Variants in KRT76 observed in about 807,000 individuals in gnomAD.
KRT76 encodes the protein keratin 76, also known as keratin, type II cytoskeletal 2 oral.
A neutral mutation model predicts 44.9 loss-of-function variants in KRT76; 47 were observed. The ratio of observed to expected loss-of-function variants is 1.05; its 90% CI spans 0.83 to 1.33. The LOEUF (loss-of-function observed/expected upper bound fraction) is 1.33. Among genes scored for constraint, KRT76 ranks in the 40% most tolerant of loss-of-function variants. KRT76 has a pLI of 0.00. For synonymous variants in KRT76, 331 were observed against 294.1 expected (o/e 1.13, Z -1.28); for missense variants, 860 against 775.8 (o/e 1.11, Z -1.29).
rs1391300280 is a variant in KRT76, at chr12:52,772,103, G to A, written c.1128C>T (p.Tyr376=). The A allele has an allele frequency of 2.5e-6, 4 of 1,610,530 alleles. No individual in the cohort carries two copies. The highest frequency in any genetic ancestry group is 1.7e-6 in the Non-Finnish European group (2 of 1,178,058). ...QRSKSEAEAL[Y]QTKLGELQTT... is the part of the protein sequence containing the mutation. Reference sequence around the variant, plus strand: ...CAGGGAGGGTTCCCACCTTGGTCTGGTACAGGGCCTCAGCTTCAGACTTGC... The same window carrying A: ...CAGGGAGGGTTCCCACCTTGGTCTGATACAGGGCCTCAGCTTCAGACTTGC... Residue 376 remains tyrosine (Y), a synonymous_variant, in exon 5 of 9, where the codon TAC becomes TAT. Transcript: ENST00000332411.
intron 2 of KRT76, 53 bp from the exon 3 acceptor site, chr12:52,773,695 G>T: frequency 6.6e-7 from 1 of 1,506,866 alleles, no homozygotes; most frequent in Non-Finnish European, 9.2e-7. Flanking sequence ...AAGTAAAAAA[G>T]AGAGGTGAGG....
intron 7 of KRT76, among the ~76,000 whole-genome samples, chr12:52,770,386 C>T (rs1939161220): frequency 6.6e-6 from 1 of 152,216 alleles, no homozygotes; most frequent in Non-Finnish European, 1.5e-5. Context: ...ATTCTTGACA[C>T]TCCTTTAGCA....
At chr12:52,770,551 G>A (rs1939163948) in intron 7 of KRT76, among the ~76,000 whole-genome samples, 1 of 152,130 alleles carries the variant, frequency 6.6e-6, no homozygotes, top group Non-Finnish European at 1.5e-5. Flanking sequence ...GTAGCCAGTA[G>A]CCACATGATG....
chr12:52,769,408 T>G, intron 8 of KRT76, 141 bp downstream of exon 8: 1 of 740,434 alleles, frequency 1.4e-6, no homozygotes, highest in South Asian at 1.6e-5. Flanking sequence ...CATGTGGCCA[T>G]GGCCTGAGAT....
intron 6 of KRT76, 38 bp from the exon 7 acceptor site, chr12:52,771,257 C>G (rs1206086679): frequency 6.3e-7 from 1 of 1,589,694 alleles, no homozygotes; most frequent in African/African-American, 1.3e-5. Flanking sequence ...GACCCGGAAA[C>G]AAACACTTGA....
chr12:52,775,440 G>C lies in KRT76; in HGVS notation c.763C>G (p.Leu255Val), dbSNP rs981023459. 5.0e-6 allele frequency: 8 copies of C among 1,614,052 alleles called. No homozygotes were observed. The highest frequency in any genetic ancestry group is 5.9e-6 in the Non-Finnish European group (7 of 1,180,038). Residue 255 changes from leucine (L) to valine (V), a missense_variant, in exon 2 of 9, where the codon CTG (leucine) becomes GTG (valine). Leu to Val is a conservative substitution (Grantham distance 32). Coordinates refer to ENST00000332411, the MANE Select transcript of KRT76 (RefSeq NM_015848.4). ...LDSLLGERGN[L>V]EGELKSMQDL... Reference sequence around the variant, plus strand: ...TGCATGCTTTTCAGCTCTCCCTCCAGGTTCCCCCTCTCCCCTAGAAGTGAA... The same window carrying C: ...TGCATGCTTTTCAGCTCTCCCTCCACGTTCCCCCTCTCCCCTAGAAGTGAA...
chr12:52,775,433 C>T lies in KRT76; in HGVS notation c.770G>A (p.Gly257Glu). Residue 257 changes from glycine (G) to glutamate (E), a missense_variant, in exon 2 of 9, where the codon GGA becomes GAA. Gly to Glu is a moderately conservative substitution (Grantham distance 98, BLOSUM62 -2). Transcript: ENST00000332411. ...SLLGERGNLE[G>E]ELKSMQDLVE... ...CAGGTCCTGCATGCTTTTCAGCTCT[C>T]CCTCCAGGTTCCCCCTCTCCCCTAG... The T allele has an allele frequency of 2.5e-6, 4 of 1,614,208 alleles. No homozygotes were observed. Among genetic ancestry groups the T allele is most frequent in the Non-Finnish European group, 3.4e-6 (4 of 1,180,034 alleles).
Position 52,776,971 on chromosome 12 carries a change from A to G in KRT76, c.321T>C (p.Gly107=). The change falls in exon 1 of 9, where the codon GGT becomes GGC. Residue 107 remains glycine (G), a synonymous_variant. Coordinates refer to ENST00000332411, the MANE Select transcript of KRT76 (RefSeq NM_015848.4). ...AACCACTACCTACTCCTCTGCCACC[A>G]CCAAAGCCACCACCATAGCTGCCCC... The part of the protein sequence containing the change: ...GFGGSYGGGF[G]GGRGVGSGFG... 6.2e-7 allele frequency: 1 copy of G among 1,613,726 alleles called. No homozygotes were observed. The highest frequency in any genetic ancestry group is 1.3e-5 in the African/African-American group (1 of 74,946).
Position 52,768,653 on chromosome 12 carries a change from G to T in KRT76, c.*60C>A. 6.5e-7 allele frequency: 1 copy of T among 1,530,534 alleles called. No homozygotes were observed. The highest frequency in any genetic ancestry group is 8.9e-7 in the Non-Finnish European group (1 of 1,129,424). The allele number at this position is 1,530,534 out of a possible 1,614,324, so 94.8% of individuals were successfully genotyped here. A position where few individuals can be genotyped will look rare whatever the true frequency, so the allele number is the denominator to read the frequency against. On this transcript the variant is annotated 3_prime_UTR_variant, in exon 9 of 9. Coordinates refer to ENST00000332411, the MANE Select transcript of KRT76 (RefSeq NM_015848.4). Reference sequence around the variant, plus strand: ...CATCTATTGATGCCAAGCAGAGAGTGGGAAACACTATTGCAGGCTGAGTGG... The same window carrying T: ...CATCTATTGATGCCAAGCAGAGAGTTGGAAACACTATTGCAGGCTGAGTGG...
At chr12:52,769,503 G>A (rs536958262) in intron 8 of KRT76, 46 bp downstream of exon 8, 4 of 1,549,596 alleles carry the variant, frequency 2.6e-6, no homozygotes, top group Non-Finnish European at 3.6e-6. Context: ...GTTTCTAGCT[G>A]CCCTTTTACA....
intron 2 of KRT76, 80 bp from the exon 3 acceptor site, chr12:52,773,722 T>C: frequency 1.6e-6 from 2 of 1,213,922 alleles, no homozygotes; most frequent in Non-Finnish European, 2.4e-6. Flanking sequence ...GGCACTCTCC[T>C]CACCTGCGCA....
chr12:52,770,765 A>G (rs1170920393), intron 7 of KRT76, among the ~76,000 whole-genome samples: 2 of 152,194 alleles, frequency 1.3e-5, no homozygotes, highest in African/African-American at 4.8e-5. Flanking sequence ...TACATTGCAC[A>G]TAGTGAAGAT....
Position 52,771,056 on chromosome 12 carries a change from A to T in KRT76, c.1427T>A (p.Leu476Gln), listed in dbSNP as rs1485692523. The T allele has an allele frequency of 1.2e-6, 2 of 1,614,092 alleles. No individual in the cohort carries two copies. The highest frequency in any genetic ancestry group is 1.7e-6 in the Non-Finnish European group (2 of 1,180,010). ...RDYQELMNVK[L>Q]ALDVEIATYR... is the part of the protein sequence containing the mutation. ...GGTGGCAATCTCCACATCCAGGGCCAGCTTGACGTTCATCAGCTCCTGGTA... is the reference window on the plus strand; with the variant it reads ...GGTGGCAATCTCCACATCCAGGGCCTGCTTGACGTTCATCAGCTCCTGGTA... Residue 476 changes from leucine (L) to glutamine (Q), a missense_variant, in exon 7 of 9, where the codon CTG becomes CAG. Transcript: ENST00000332411.
At position 52,772,792 on chromosome 12, in the gene KRT76, G is replaced by A; in HGVS notation, c.963C>T (p.Leu321=). The A allele has an allele frequency of 6.2e-7, 1 of 1,611,194 alleles. No individual in the cohort carries two copies. Among genetic ancestry groups the A allele is most frequent in the Non-Finnish European group, 8.5e-7 (1 of 1,177,330 alleles). ...CAAACCAAGGAATCACCATCTCATA[G>A]AGGGTCCTCAGGAAGCTGACTTCAT... is the stretch of plus-strand genomic sequence containing the variant. ...LTDEVSFLRT[L]YEMELSQMQS... Residue 321 remains leucine, a synonymous_variant, in exon 4 of 9, where the codon CTC becomes CTT. Transcript: ENST00000332411.
intron 2 of KRT76, among the ~76,000 whole-genome samples, chr12:52,774,959 C>A (rs10876342): frequency 2.0e-5 from 3 of 152,092 alleles, no homozygotes; most frequent in Non-Finnish European, 4.4e-5. Context: ...AGCCCTGGAC[C>A]TCTGCCTAGA....
chr12:52,776,540 G>C, intron 1 of KRT76, 152 bp downstream of exon 1: 1 of 1,198,542 alleles, frequency 8.3e-7, no homozygotes, highest in East Asian at 2.4e-5. Context: ...AAAAGTGAAA[G>C]GGGCATGATC....
Position 52,768,907 on chromosome 12 carries a change from T to C in KRT76, c.1723A>G (p.Ser575Gly), listed in dbSNP as rs746257997. The change falls in exon 9 of 9, where the codon AGC (serine) becomes GGC (glycine). Residue 575 changes from serine (S) to glycine (G), a missense_variant. Coordinates refer to ENST00000332411, the MANE Select transcript of KRT76 (RefSeq NM_015848.4). ...GSTGGRGSSG[S>G]YQSSSSGSRL... is the part of the protein sequence containing the mutation. ...CTCCCACTACTGCTGCTCTGGTAGC[T>C]CCCGCTGCTACCCCTGCCCCCAGTG... 1.2e-6 allele frequency: 2 copies of C among 1,601,938 alleles called. No individual in the cohort carries two copies. The highest frequency in any genetic ancestry group is 2.2e-5 in the East Asian group (1 of 44,676).
chr12:52,771,302 T>G, intron 6 of KRT76, 83 bp from the exon 7 acceptor site: 2 of 1,301,160 alleles, frequency 1.5e-6, no homozygotes, highest in Non-Finnish European at 2.2e-6. Context: ...CCCCACATCC[T>G]GCATCCCTTC....
Position 52,775,478 on chromosome 12 carries a change from C to T in KRT76, c.725G>A (p.Cys242Tyr), listed in dbSNP as rs774140731. The change falls in exon 2 of 9, where the codon TGC becomes TAC. Residue 242 changes from cysteine to tyrosine, a missense_variant. Physicochemically the swap from Cys to Tyr is radical, Grantham distance 194. Coordinates refer to ENST00000332411, the MANE Select transcript of KRT76 (RefSeq NM_015848.4). ...CCCTAGAAGTGAATCTAGCTGCTTGCATAGGAAGCTGATGTAGGATTCAAA... is the reference window on the plus strand; with the variant it reads ...CCCTAGAAGTGAATCTAGCTGCTTGTATAGGAAGCTGATGTAGGATTCAAA... ...PCFESYISFLCKQLDSLLGER... is the reference protein window; with the variant it reads ...PCFESYISFLYKQLDSLLGER... 1.2e-6 allele frequency: 2 copies of T among 1,614,048 alleles called. No individual in the cohort carries two copies. The highest frequency in any genetic ancestry group is 1.7e-6 in the Non-Finnish European group (2 of 1,180,004).
Sources: gnomAD v4.1 joint callset for allele counts (sites outside exome capture counted in the v4.1 genomes callset) on GRCh38, gnomAD v4.1.1 for gene constraint, MANE v1.5 for transcripts, NCBI Gene and HGNC (gene_info 2026-07-23, HGNC 2026-07-21) for gene names.